AP1M1: variants seen among roughly 807,000 people sequenced by gnomAD.
AP1M1 encodes the protein AP-1 complex subunit mu-1.
A neutral mutation model predicts 57.1 loss-of-function variants in AP1M1; 18 were observed. The ratio of observed to expected loss-of-function variants is 0.32; its 90% confidence interval spans 0.22 to 0.47. The LOEUF is 0.47. Among genes scored for constraint, AP1M1 ranks in the 20% least tolerant of loss-of-function variants. AP1M1 has a pLI of 1.00. For missense variants in AP1M1, 362 were observed against 593.5 expected, an observed-to-expected ratio of 0.61 and a Z score of 4.05; for synonymous variants, 241 against 237.9, an observed-to-expected ratio of 1.01 and a Z score of -0.12.
At position 16,198,007 on chromosome 19, in the gene AP1M1, C is replaced by G. The variant is rs2091431161; in HGVS notation, c.-20C>G. ...CGCCGCCACCGCCCTCGGCCGCTGC[C>G]GAGGCCTCCTGCAGCCATCATGTCC... On this transcript the variant is annotated 5_prime_UTR_variant, in exon 1 of 12. Transcript: ENST00000291439. The G allele has an allele frequency of 2.5e-6, 4 of 1,574,926 alleles. No homozygotes were observed. Among genetic ancestry groups the G allele is most frequent in the Admixed American group, 1.8e-5 (1 of 54,064 alleles).
chr19:16,223,730 G>A (rs1198642209), intron 5 of AP1M1, among the ~76,000 whole-genome samples: 4 of 152,200 alleles, frequency 2.6e-5, no homozygotes. Context: ...CGTGGGGGGC[G>A]GTGGGAACAC....
chr19:16,210,333 T>C, intron 5 of AP1M1: 2 of 715,688 alleles, frequency 2.8e-6, no homozygotes, highest in Middle Eastern at 2.3e-4. Context: ...CAGGTTTATG[T>C]GTGGACATAA....
chr19:16,206,459 CTGCTTGTGGACCT>C lies in AP1M1; in HGVS notation c.267+52_267+64del. 1 of 1,596,396 alleles carries C rather than the reference CTGCTTGTGGACCT, an allele frequency of 6.3e-7. No individual in the cohort carries two copies. The highest frequency in any genetic ancestry group is 8.6e-7 in the Non-Finnish European group (1 of 1,164,670). ...GGCTTGGGTGGAGGTTGTCTTGGCT[CTGCTTGTGGACCT>C]CCCCATACCTGGCCACCCTACAGAG... On this transcript the variant is annotated intron_variant, in intron 3 of 11. Transcript: ENST00000291439. The surrounding 1 kb of genome is among the most constrained non-coding windows in gnomAD (Gnocchi z 4.3).
intron 5 of AP1M1, among the ~76,000 whole-genome samples, chr19:16,215,087 G>T (rs62116321): frequency 0.66 from 98,108 of 149,272 alleles, 34,479 homozygotes; most frequent in Non-Finnish European, 0.8. Flanking sequence ...TGAAGCTTAG[G>T]TTGGCCAGAT....
At chr19:16,198,321 A>G (rs1003545909) in intron 1 of AP1M1, 9 of 274,082 alleles carry the variant, frequency 3.3e-5, no homozygotes, top group Admixed American at 5.4e-5. Context: ...AACTGACTGC[A>G]CCGCCCTCTG....
chr19:16,231,258 A>C (rs1237516625), intron 9 of AP1M1, among the ~76,000 whole-genome samples: 1 of 144,512 alleles, frequency 6.9e-6, no homozygotes, highest in Non-Finnish European at 1.5e-5. Flanking sequence ...ACTGCACTCC[A>C]GCCTGGGCAA....
rs751713363 is a variant in AP1M1, at chr19:16,228,180, C to A, written c.860C>A (p.Ser287Tyr). Residue 287 changes from serine to tyrosine, a missense_variant, in exon 8 of 12, where the codon TCC becomes TAC. Ser to Tyr is a moderately radical substitution (Grantham distance 144). This residue lies in a region of AP1M1 where 337 missense variants were observed against 511.1 expected (regional missense o/e 0.66). Coordinates refer to ENST00000291439, the MANE Select transcript of AP1M1 (RefSeq NM_032493.4). This position sits in a 1 kb window ranked among gnomAD's most constrained non-coding sequence, Gnocchi z 5.0. ...IWIESVIEKH[S>Y]HSRIEYMIKA... ...ATCGAGTCGGTGATCGAGAAGCACT[C>A]CCACAGCCGCATCGAGTACATGATC... 6.2e-7 allele frequency: 1 copy of A among 1,613,704 alleles called. No homozygotes were observed. Among genetic ancestry groups the A allele is most frequent in the African/African-American group, 1.3e-5 (1 of 74,944 alleles).
chr19:16,225,631 C>T (rs1164239751), intron 5 of AP1M1, among the ~76,000 whole-genome samples: 1 of 152,202 alleles, frequency 6.6e-6, no homozygotes, highest in African/African-American at 2.4e-5. Context: ...CCCCTCAGGT[C>T]ATCTCCCCAC....
chr19:16,234,092 G>C, intron 10 of AP1M1, 107 bp from the exon 11 acceptor site: 2 of 1,132,104 alleles, frequency 1.8e-6, no homozygotes, highest in Non-Finnish European at 2.5e-6. Context: ...TCATCCTGTC[G>C]TCATGGCCTC....
At position 16,228,260 on chromosome 19, in the gene AP1M1, C is replaced by G; in HGVS notation, c.888+52C>G. ...GGGCCTTCTGGTGTCTCTGGCCCGT[C>G]CCAGGAGCCTAACCGAGGGCTGGGG... is the stretch of plus-strand genomic sequence containing the variant. On this transcript the variant is annotated intron_variant, in intron 8 of 11. Transcript: ENST00000291439. This position sits in a 1 kb window ranked among gnomAD's most constrained non-coding sequence, Gnocchi z 5.0. 1 of 1,577,146 alleles carries G rather than the reference C, an allele frequency of 6.3e-7. No homozygotes were observed. Among genetic ancestry groups the G allele is most frequent in the Non-Finnish European group, 8.7e-7 (1 of 1,152,598 alleles).
At chr19:16,216,343 G>T (rs2091518954) in intron 5 of AP1M1, among the ~76,000 whole-genome samples, 1 of 152,104 alleles carries the variant, frequency 6.6e-6, no homozygotes, top group Non-Finnish European at 1.5e-5. Context: ...TACTTGGGAG[G>T]CTGAGGCAGG....
chr19:16,209,503 G>T (rs542711478), intron 5 of AP1M1, among the ~76,000 whole-genome samples: 1 of 152,058 alleles, frequency 6.6e-6, no homozygotes, highest in South Asian at 2.1e-4. Flanking sequence ...GCTAAAGCTT[G>T]TTTTCTTTAT....
chr19:16,208,118 C>T lies in AP1M1; in HGVS notation c.367C>T (p.Pro123Ser). Residue 123 changes from proline to serine, a missense_variant, in exon 4 of 12, where the codon CCC becomes TCC. Transcript: ENST00000291439. ...LLDELMDFGY[P>S]QTTDSKILQE... The stretch of plus-strand genomic sequence containing the variant: ...GGACGAGCTCATGGACTTCGGCTAC[C>T]CCCAGACCACCGACAGCAAGATCCT... The T allele has an allele frequency of 6.2e-7, 1 of 1,613,424 alleles. No individual in the cohort carries two copies. Among genetic ancestry groups the T allele is most frequent in the Non-Finnish European group, 8.5e-7 (1 of 1,179,704 alleles).
At chr19:16,199,157 A>G (rs1206193571) in intron 1 of AP1M1, among the ~76,000 whole-genome samples, 4 of 152,088 alleles carry the variant, frequency 2.6e-5, no homozygotes, top group Admixed American at 6.5e-5. Context: ...GGAGATGGAT[A>G]CCCATCTCCA....
At chr19:16,226,764 G>A in intron 6 of AP1M1, 1 of 596,602 alleles carries the variant, frequency 1.7e-6, no homozygotes. Context: ...CCAGCTGGGA[G>A]GCCCCCGTCA....
chr19:16,231,271 G>C (rs1468153975), intron 9 of AP1M1, among the ~76,000 whole-genome samples: 10 of 125,386 alleles, frequency 8.0e-5, no homozygotes, highest in Non-Finnish European at 1.4e-4. Context: ...CTGGGCAACA[G>C]AGCAAGACTC....
At chr19:16,215,212 A>AGGGGGGGGGGGGGGGGGGGGG (rs1568351069) in intron 5 of AP1M1, among the ~76,000 whole-genome samples, 1 of 2,104 alleles carries the variant, frequency 4.8e-4, no homozygotes, top group Non-Finnish European at 1.5e-3. Context: ...GGGGGGGGGG[A>AGGGGGGGGGGGGGGGGGGGGG]GAGGGGGGAG....
chr19:16,243,004 C>A lies in AP1M1; in HGVS notation c.*8569C>A, dbSNP rs2062552156. On this transcript the variant is annotated 3_prime_UTR_variant, in exon 12 of 12. Coordinates refer to ENST00000291439, the MANE Select transcript of AP1M1 (RefSeq NM_032493.4). ...CCAGGCTGGTCTTGAACCCTGACCT[C>A]AGGTGATCCACCCCCACTGGCCTCC... The A allele has an allele frequency of 6.6e-6, 1 of 151,886 alleles. No homozygotes were observed. Among genetic ancestry groups the A allele is most frequent in the African/African-American group, 2.4e-5 (1 of 41,334 alleles). The allele number at this position is 151,886 out of a possible 1,614,324, so 9.4% of individuals were successfully genotyped here. A position where few individuals can be genotyped will look rare whatever the true frequency, so the allele number is the denominator to read the frequency against.
chr19:16,244,688 G>A lies in AP1M1; in HGVS notation c.*10253G>A, dbSNP rs1365236748. On this transcript the variant is annotated 3_prime_UTR_variant, in exon 12 of 12. Transcript: ENST00000291439. ...TACTAAAAATACAAAAAATTAGCCG[G>A]GCGCGGTGGCGGGCGCCTGTAGTCC... The A allele has an allele frequency of 6.6e-6, 1 of 151,678 alleles. No individual in the cohort carries two copies. Among genetic ancestry groups the A allele is most frequent in the Admixed American group, 6.6e-5 (1 of 15,232 alleles). The allele number at this position is 151,678 out of a possible 1,614,324, so 9.4% of individuals were successfully genotyped here.
Sources: gnomAD v4.1 joint callset for allele counts (sites outside exome capture counted in the v4.1 genomes callset) on GRCh38, gnomAD v4.1.1 for gene constraint, gnomAD v4.1.1 regional missense constraint, Gnocchi (gnomAD v3.1) non-coding constraint, MANE v1.5 for transcripts, NCBI Gene and HGNC (gene_info 2026-07-23, HGNC 2026-07-21) for gene names.